CSMD1: variants seen among roughly 807,000 people sequenced by gnomAD.
CSMD1 encodes the protein CUB and sushi domain-containing protein 1.
In CSMD1, 213 loss-of-function variants were observed where a neutral mutation model predicts 417.5. That is an observed-to-expected ratio of 0.51 (90% CI 0.46 to 0.57). CSMD1 has a LOEUF of 0.57. CSMD1 is among the 20% of genes least tolerant of loss of function. CSMD1 has a pLI of 0.00. For synonymous variants in CSMD1, 2,862 were observed against 1,736.8 expected (o/e 1.65, Z -16.11); for missense variants, 6,923 against 4,529.7 (o/e 1.53, Z -15.17).
chr8:4,958,590 A>T (rs1052015837), intron 1 of CSMD1, among the ~76,000 whole-genome samples: 2 of 152,200 alleles, frequency 1.3e-5, no homozygotes, highest in African/African-American at 4.8e-5. Flanking sequence ...TAAGCAAGGC[A>T]GTGTTCTGAG....
intron 2 of CSMD1, among the ~76,000 whole-genome samples, chr8:4,593,919 A>G (rs1800123043): frequency 6.6e-6 from 1 of 152,182 alleles, no homozygotes; most frequent in African/African-American, 2.4e-5. Context: ...TTTGAGGGCC[A>G]GGAGTCTGAA....
At chr8:4,734,806 G>A (rs1339569107) in intron 1 of CSMD1, among the ~76,000 whole-genome samples, 1 of 152,092 alleles carries the variant, frequency 6.6e-6, no homozygotes, top group Non-Finnish European at 1.5e-5. Flanking sequence ...GACCTCTCAA[G>A]GACCTGGGTA....
At chr8:4,241,919 T>C (rs1802429429) in intron 3 of CSMD1, among the ~76,000 whole-genome samples, 1 of 152,154 alleles carries the variant, frequency 6.6e-6, no homozygotes, top group African/African-American at 2.4e-5. Flanking sequence ...CGTGAAGCTA[T>C]TTTATACTGT....
chr8:4,470,932 T>A (rs1466893611), intron 2 of CSMD1, among the ~76,000 whole-genome samples: 1 of 152,182 alleles, frequency 6.6e-6, no homozygotes, highest in Non-Finnish European at 1.5e-5. Context: ...TAAATAAGTA[T>A]TTTTGGGATT....
At chr8:3,726,224 T>C (rs1288960860) in intron 6 of CSMD1, among the ~76,000 whole-genome samples, 3 of 152,156 alleles carry the variant, frequency 2.0e-5, no homozygotes, top group African/African-American at 7.2e-5. Context: ...CAGCCAGCAT[T>C]GACTGTAAAC....
Position 3,844,773 on chromosome 8 carries a change from G to A in CSMD1, c.819-90731C>T, listed in dbSNP as rs530743689. ...TCATGTGACCTCAGAACTTATGAGC[G>A]AAACATACTCTGCCACTTCTGTTCA... On this transcript the variant is annotated intron_variant, in intron 5 of 69. Coordinates refer to ENST00000635120, the MANE Select transcript of CSMD1 (RefSeq NM_033225.6). Among the ~76,000 whole-genome samples the A allele has an allele frequency of 4.5e-4, 69 of 152,248 alleles. 1 individual carries two copies. The South Asian group carries it at 7.7e-3, about 17-fold the overall frequency.
intron 5 of CSMD1, among the ~76,000 whole-genome samples, chr8:3,835,198 C>T (rs1049692018): frequency 6.7e-6 from 1 of 149,954 alleles, no homozygotes; most frequent in Non-Finnish European, 1.5e-5. Flanking sequence ...TACCATTTGA[C>T]CCAGCCATCC....
chr8:3,994,933 G>T (rs761697889), intron 5 of CSMD1, among the ~76,000 whole-genome samples: 1 of 152,052 alleles, frequency 6.6e-6, no homozygotes, highest in African/African-American at 2.4e-5. Flanking sequence ...ATGTGTATCT[G>T]CCCTCACTCC....
At chr8:4,737,249 AGTG>A (rs1563254820) in intron 1 of CSMD1, among the ~76,000 whole-genome samples, 3 of 152,162 alleles carry the variant, frequency 2.0e-5, no homozygotes, top group Non-Finnish European at 4.4e-5. Flanking sequence ...AAAACCAAAT[AGTG>A]CACGTTCTCA....
intron 26 of CSMD1, among the ~76,000 whole-genome samples, chr8:3,269,296 G>C (rs771401521): frequency 1.3e-5 from 2 of 152,232 alleles, no homozygotes; most frequent in Admixed American, 6.5e-5. Flanking sequence ...CCAGTCCCAT[G>C]AGGAAGATGC....
intron 3 of CSMD1, among the ~76,000 whole-genome samples, chr8:4,134,649 A>G (rs772311673): frequency 8.5e-5 from 13 of 152,194 alleles, no homozygotes; most frequent in Non-Finnish European, 1.5e-5. Context: ...CCTTTAAAAT[A>G]TATCTAGAAT....
rs930173804 is a variant in CSMD1, at chr8:3,806,165, T to C, written c.819-52123A>G. On this transcript the variant is annotated intron_variant, in intron 5 of 69. Coordinates refer to ENST00000635120, the MANE Select transcript of CSMD1 (RefSeq NM_033225.6). ...CAGTTCTGCCTGACACAACCCATCATATAAGATACCTTGGGTCGTCCATTC... is the reference window on the plus strand; with the variant it reads ...CAGTTCTGCCTGACACAACCCATCACATAAGATACCTTGGGTCGTCCATTC... Among the ~76,000 whole-genome samples the C allele has an allele frequency of 3.3e-5, 5 of 152,202 alleles. No individual in the cohort carries two copies. The East Asian group carries it at 9.6e-4, about 29-fold the overall frequency.
intron 5 of CSMD1, among the ~76,000 whole-genome samples, chr8:3,810,964 T>C (rs1456687756): frequency 6.6e-6 from 1 of 152,214 alleles, no homozygotes; most frequent in Non-Finnish European, 1.5e-5. Context: ...TTGTTCTTTA[T>C]TAATATAAGT....
At chr8:4,060,262 C>T (rs1288857693) in intron 3 of CSMD1, among the ~76,000 whole-genome samples, 1 of 152,036 alleles carries the variant, frequency 6.6e-6, no homozygotes, top group Non-Finnish European at 1.5e-5. Flanking sequence ...GCTAAAAACT[C>T]TCAATAAATT....
At chr8:3,365,798 G>C (rs928633697) in intron 20 of CSMD1, among the ~76,000 whole-genome samples, 3 of 152,146 alleles carry the variant, frequency 2.0e-5, no homozygotes, top group Non-Finnish European at 2.9e-5. Context: ...TTGTATTATT[G>C]AACTACAGTT....
At chr8:3,943,162 T>C (rs534625956) in intron 5 of CSMD1, among the ~76,000 whole-genome samples, 1 of 152,144 alleles carries the variant, frequency 6.6e-6, no homozygotes, top group East Asian at 1.9e-4. Flanking sequence ...TGATAAATAA[T>C]ATAAAAATGA....
chr8:2,987,617 G>A (rs960544126), intron 54 of CSMD1, among the ~76,000 whole-genome samples: 3 of 152,184 alleles, frequency 2.0e-5, no homozygotes, highest in African/African-American at 4.8e-5. Context: ...ACTGCATTAT[G>A]AGAAATGAAC....
intron 1 of CSMD1, among the ~76,000 whole-genome samples, chr8:4,874,960 C>G (rs1026551501): frequency 6.6e-6 from 1 of 150,978 alleles, no homozygotes; most frequent in African/African-American, 2.4e-5. Flanking sequence ...TTATCTTTTG[C>G]TTTTTTCTCC....
At chr8:3,721,617 A>T (rs1333248842) in intron 6 of CSMD1, among the ~76,000 whole-genome samples, 1 of 152,164 alleles carries the variant, frequency 6.6e-6, no homozygotes, top group Non-Finnish European at 1.5e-5. Flanking sequence ...GTCCTACCTT[A>T]ATTATTCTTA....
Sources: allele counts gnomAD v4.1 joint callset (sites outside exome capture counted in the v4.1 genomes callset), GRCh38; gene constraint gnomAD v4.1.1; transcripts MANE v1.5; gene names NCBI Gene and HGNC (gene_info 2026-07-23, HGNC 2026-07-21).